ZSWIM6: variants seen among roughly 807,000 people sequenced by gnomAD.
ZSWIM6 encodes the protein zinc finger SWIM domain-containing protein 6.
Under a neutral mutation model 113.2 loss-of-function variants are expected in ZSWIM6, and 9 were observed. The observed-to-expected ratio is 0.08, with a 90% CI of 0.05 to 0.14. ZSWIM6 has a LOEUF of 0.14. ZSWIM6 is among the 10% of genes least tolerant of loss of function. The pLI is 1.00. For missense variants in ZSWIM6, 1,162 were observed against 1,552.2 expected (o/e 0.75, Z 4.22); for synonymous variants, 611 against 606.5 (o/e 1.01, Z -0.11).
intron 1 of ZSWIM6, among the ~76,000 whole-genome samples, chr5:61,462,900 T>C (rs1485599183): frequency 6.6e-6 from 1 of 152,196 alleles, no homozygotes; most frequent in Non-Finnish European, 1.5e-5. Context: ...CTAATTCTCT[T>C]TCCAGTCCTA....
intron 1 of ZSWIM6, among the ~76,000 whole-genome samples, chr5:61,444,410 G>A (rs1481636423): frequency 2.0e-5 from 3 of 151,970 alleles, no homozygotes; most frequent in African/African-American, 4.8e-5. Flanking sequence ...ATAAACATAC[G>A]TGTGCGTGTG....
chr5:61,411,742 G>A (rs1402245687), intron 1 of ZSWIM6, among the ~76,000 whole-genome samples: 1 of 152,112 alleles, frequency 6.6e-6, no homozygotes, highest in African/African-American at 2.4e-5. Context: ...TCTTCATGTG[G>A]TAGAAGGAAA....
intron 4 of ZSWIM6, among the ~76,000 whole-genome samples, chr5:61,501,248 AAG>A (rs879575943): frequency 3.3e-5 from 5 of 152,088 alleles, no homozygotes; most frequent in Non-Finnish European, 7.4e-5. Context: ...GGGGGTGGAA[AAG>A]AGGGGTTTAT....
chr5:61,334,342 A>G (rs1047748472), intron 1 of ZSWIM6, among the ~76,000 whole-genome samples: 3 of 152,200 alleles, frequency 2.0e-5, no homozygotes, highest in Non-Finnish European at 4.4e-5. Flanking sequence ...CCTGATTGCA[A>G]ATGGCATATT....
At chr5:61,509,431 G>A (rs963080942) in intron 4 of ZSWIM6, among the ~76,000 whole-genome samples, 1 of 152,158 alleles carries the variant, frequency 6.6e-6, no homozygotes, top group Non-Finnish European at 1.5e-5. Context: ...CAGAGAGAGG[G>A]AAGCCGAAGG....
chr5:61,351,297 A>G lies in ZSWIM6; in HGVS notation c.676+18349A>G, dbSNP rs528445830. On this transcript the variant is annotated intron_variant, in intron 1 of 13. Coordinates refer to ENST00000252744, the MANE Select transcript of ZSWIM6 (RefSeq NM_020928.2). ...GGACAGCTAAAATCAATTCTATGTT[A>G]TTCATGTGTAGAATGGACAGTTGTG... Among the ~76,000 whole-genome samples the G allele has an allele frequency of 3.3e-5, 5 of 152,344 alleles. No homozygotes were observed. In the South Asian group the frequency reaches 1.0e-3, roughly 32 times the overall value.
intron 1 of ZSWIM6, among the ~76,000 whole-genome samples, chr5:61,408,600 T>A (rs1050597801): frequency 1.1e-4 from 17 of 152,176 alleles, no homozygotes; most frequent in Admixed American, 6.5e-4. Flanking sequence ...GAGACCAAGT[T>A]CTGAAGTTTG....
chr5:61,406,459 T>A (rs975201894), intron 1 of ZSWIM6, among the ~76,000 whole-genome samples: 5 of 152,052 alleles, frequency 3.3e-5, no homozygotes, highest in African/African-American at 1.2e-4. Flanking sequence ...CATTCCTCAC[T>A]CATTTTTCCT....
At chr5:61,356,418 C>T (rs1295222891) in intron 1 of ZSWIM6, among the ~76,000 whole-genome samples, 1 of 151,660 alleles carries the variant, frequency 6.6e-6, no homozygotes, top group African/African-American at 2.4e-5. Context: ...ATTTTATTTT[C>T]GTAGAAGTTC....
At position 61,405,806 on chromosome 5, in the gene ZSWIM6, A is replaced by C. The variant is rs577805092; in HGVS notation, c.677-66875A>C. On this transcript the variant is annotated intron_variant, in intron 1 of 13. Coordinates refer to ENST00000252744, the MANE Select transcript of ZSWIM6 (RefSeq NM_020928.2). ...ATATGGAAAGGGGCTCAGAGTTTAA[A>C]AGAGTAACTCCATAAAAATAATTGT... is the stretch of plus-strand genomic sequence containing the variant. Among the ~76,000 whole-genome samples the C allele has an allele frequency of 3.3e-5, 5 of 152,362 alleles. No homozygotes were observed. The South Asian group carries it at 8.3e-4, about 25-fold the overall frequency.
intron 1 of ZSWIM6, among the ~76,000 whole-genome samples, chr5:61,357,169 C>G (rs906257914): frequency 6.6e-6 from 1 of 152,048 alleles, no homozygotes; most frequent in African/African-American, 2.4e-5. Flanking sequence ...GAACCACTGG[C>G]CTAATGTAGT....
At chr5:61,497,940 G>A (rs888813801) in intron 4 of ZSWIM6, among the ~76,000 whole-genome samples, 2 of 152,130 alleles carry the variant, frequency 1.3e-5, no homozygotes, top group African/African-American at 4.8e-5. Flanking sequence ...GCTGATTGGG[G>A]GTGAGCACAC....
At chr5:61,489,605 A>G (rs1056047071) in intron 2 of ZSWIM6, among the ~76,000 whole-genome samples, 1 of 152,066 alleles carries the variant, frequency 6.6e-6, no homozygotes, top group Non-Finnish European at 1.5e-5. Context: ...CATATTAGGC[A>G]TGATGTAAAA....
intron 1 of ZSWIM6, among the ~76,000 whole-genome samples, chr5:61,438,385 A>G (rs1746757457): frequency 6.6e-6 from 1 of 152,164 alleles, no homozygotes; most frequent in Admixed American, 6.5e-5. Context: ...TATATTCAGG[A>G]GTAAGGAATC....
intron 1 of ZSWIM6, among the ~76,000 whole-genome samples, chr5:61,337,981 T>C (rs938036637): frequency 2.0e-5 from 3 of 152,128 alleles, no homozygotes; most frequent in African/African-American, 4.8e-5. Flanking sequence ...TGTGTGTGTG[T>C]GCTTGAGTGT....
intron 2 of ZSWIM6, 89 bp from the exon 3 acceptor site, chr5:61,490,697 A>T: frequency 7.5e-7 from 1 of 1,327,254 alleles, no homozygotes; most frequent in African/African-American, 1.5e-5. Context: ...AGATTGAATT[A>T]AAAAGTAGGC....
At chr5:61,500,000 C>CTT (rs1200064985) in intron 4 of ZSWIM6, among the ~76,000 whole-genome samples, 1 of 151,980 alleles carries the variant, frequency 6.6e-6, no homozygotes, top group Non-Finnish European at 1.5e-5. Flanking sequence ...TTTAAGGAGG[C>CTT]TTGATAACTT....
At chr5:61,392,654 G>A (rs1745747098) in intron 1 of ZSWIM6, among the ~76,000 whole-genome samples, 2 of 151,894 alleles carry the variant, frequency 1.3e-5, no homozygotes, top group Admixed American at 6.6e-5. Context: ...GTGTTTTTAC[G>A]CAGGCTGGAG....
chr5:61,364,687 G>A (rs1206744231), intron 1 of ZSWIM6, among the ~76,000 whole-genome samples: 1 of 152,144 alleles, frequency 6.6e-6, no homozygotes, highest in Non-Finnish European at 1.5e-5. Flanking sequence ...TGTCTGGTGT[G>A]GGCCCTATTC....
Sources: gnomAD v4.1 joint callset for allele counts (sites outside exome capture counted in the v4.1 genomes callset) on GRCh38, gnomAD v4.1.1 for gene constraint, MANE v1.5 for transcripts, NCBI Gene and HGNC (gene_info 2026-07-23, HGNC 2026-07-21) for gene names.